Variants in GRID1 observed in about 807,000 individuals in gnomAD.
The protein encoded by GRID1 is glutamate receptor ionotropic, delta-1.
A neutral mutation model predicts 98.0 loss-of-function variants in GRID1; 28 were observed. The ratio of observed to expected loss-of-function variants is 0.29; its 90% CI spans 0.21 to 0.39. The LOEUF (loss-of-function observed/expected upper bound fraction) is 0.39. GRID1 is among the 10% of genes least tolerant of loss of function. The pLI, the probability that GRID1 is intolerant of heterozygous loss-of-function variation, is 1.00. For synonymous variants in GRID1, 553 were observed against 538.5 expected (o/e 1.03, Z -0.37); for missense variants, 1,111 against 1,340.5 (o/e 0.83, Z 2.67).
At chr10:85,725,078 C>T (rs1251400324) in intron 10 of GRID1, among the ~76,000 whole-genome samples, 1 of 152,066 alleles carries the variant, frequency 6.6e-6, no homozygotes, top group Admixed American at 6.5e-5. Context: ...TGCATCCTCC[C>T]TACATGTTAA....
At chr10:85,928,238 C>T (rs1055274686) in intron 4 of GRID1, among the ~76,000 whole-genome samples, 18 of 152,100 alleles carry the variant, frequency 1.2e-4, no homozygotes, top group African/African-American at 4.1e-4. Flanking sequence ...GGCGGAGGAT[C>T]GTTTAGGGCT....
At chr10:86,003,557 G>A (rs1481667742) in intron 4 of GRID1, among the ~76,000 whole-genome samples, 1 of 152,228 alleles carries the variant, frequency 6.6e-6, no homozygotes, top group Non-Finnish European at 1.5e-5. Context: ...AGCAGGACAT[G>A]TGGCAGCCAC....
chr10:85,803,257 A>C (rs1842593735), intron 8 of GRID1, among the ~76,000 whole-genome samples: 2 of 152,174 alleles, frequency 1.3e-5, no homozygotes, highest in Non-Finnish European at 2.9e-5. Flanking sequence ...GTAACACAAA[A>C]GATAAATGTT....
chr10:86,234,357 T>C (rs776941600), intron 2 of GRID1, among the ~76,000 whole-genome samples: 24 of 152,132 alleles, frequency 1.6e-4, no homozygotes, highest in Non-Finnish European at 1.6e-4. Context: ...TGAGCCCTGC[T>C]CCCCAGTGGA....
At chr10:86,303,462 C>T (rs1243789049) in intron 2 of GRID1, among the ~76,000 whole-genome samples, 1 of 151,954 alleles carries the variant, frequency 6.6e-6, no homozygotes, top group African/African-American at 2.4e-5. Context: ...AGACTGTGCT[C>T]AGCAGGAAGG....
intron 8 of GRID1, among the ~76,000 whole-genome samples, chr10:85,784,430 G>A (rs1435694519): frequency 6.6e-6 from 1 of 152,174 alleles, no homozygotes; most frequent in African/African-American, 2.4e-5. Flanking sequence ...CTTCCTAGGG[G>A]ACAGAACTAG....
chr10:86,342,914 C>A (rs950349661), intron 2 of GRID1, among the ~76,000 whole-genome samples: 2 of 152,238 alleles, frequency 1.3e-5, no homozygotes, highest in Non-Finnish European at 2.9e-5. Flanking sequence ...AAGATCCTGG[C>A]GTTCCTTGGT....
chr10:85,685,544 A>G (rs1841258993), intron 12 of GRID1, among the ~76,000 whole-genome samples: 1 of 152,188 alleles, frequency 6.6e-6, no homozygotes, highest in African/African-American at 2.4e-5. Flanking sequence ...TAAAACTTAA[A>G]ACACTGATCC....
At chr10:86,006,140 C>T (rs1427294442) in intron 4 of GRID1, among the ~76,000 whole-genome samples, 1 of 152,086 alleles carries the variant, frequency 6.6e-6, no homozygotes, top group Non-Finnish European at 1.5e-5. Flanking sequence ...AATACAAAGT[C>T]CTAAAACAGA....
At chr10:85,661,365 CT>C (rs969998521) in intron 12 of GRID1, among the ~76,000 whole-genome samples, 1 of 152,144 alleles carries the variant, frequency 6.6e-6, no homozygotes, top group African/African-American at 2.4e-5. Flanking sequence ...AACTATAAGA[CT>C]TACTTTGTTT....
intron 8 of GRID1, among the ~76,000 whole-genome samples, chr10:85,834,859 C>T (rs1478995813): frequency 1.3e-5 from 2 of 152,070 alleles, no homozygotes; most frequent in African/African-American, 2.4e-5. Context: ...AACAACAATA[C>T]TTATCTTAAG....
At chr10:85,796,700 CAA>C (rs61100651) in intron 8 of GRID1, among the ~76,000 whole-genome samples, 2 of 141,954 alleles carry the variant, frequency 1.4e-5, no homozygotes, top group African/African-American at 2.5e-5. Flanking sequence ...TGATCTAACT[CAA>C]AAAAAAAAAA....
intron 12 of GRID1, among the ~76,000 whole-genome samples, chr10:85,694,436 C>G (rs904073446): frequency 2.0e-5 from 3 of 151,036 alleles, no homozygotes; most frequent in Non-Finnish European, 3.0e-5. Flanking sequence ...CAACGGAAAA[C>G]AAATCACTAT....
At position 85,854,595 on chromosome 10, in the gene GRID1, A is replaced by C. The variant is rs1843090575; in HGVS notation, c.1134T>G (p.Thr378=). 1 of 1,613,906 alleles carries C rather than the reference A, an allele frequency of 6.2e-7. No individual in the cohort carries two copies. Among genetic ancestry groups the C allele is most frequent in the Admixed American group, 1.7e-5 (1 of 59,998 alleles). The change falls in exon 8 of 16, where the codon ACT becomes ACG. Residue 378 remains threonine (T), a synonymous_variant. Coordinates refer to ENST00000327946, the MANE Select transcript of GRID1 (RefSeq NM_017551.3). ...TIKKGHITGL[T]GVMEFREDSS... ...TGTCCTCCCGAAACTCCATCACCCCAGTGAGGCCAGTGATGTGGCCCTGCA... is the reference window on the plus strand; with the variant it reads ...TGTCCTCCCGAAACTCCATCACCCCCGTGAGGCCAGTGATGTGGCCCTGCA...
intron 4 of GRID1, among the ~76,000 whole-genome samples, chr10:85,996,566 T>A (rs1336046992): frequency 6.6e-6 from 1 of 152,018 alleles, no homozygotes; most frequent in Non-Finnish European, 1.5e-5. Flanking sequence ...TTTTTAAAAA[T>A]GAACAGAGCA....
intron 4 of GRID1, among the ~76,000 whole-genome samples, chr10:85,988,589 G>A (rs962155661): frequency 6.6e-6 from 1 of 152,192 alleles, no homozygotes; most frequent in Non-Finnish European, 1.5e-5. Context: ...ATCCTCTCAA[G>A]GTCACCGTTG....
At chr10:85,878,586 C>G (rs1840943790) in intron 5 of GRID1, among the ~76,000 whole-genome samples, 1 of 152,062 alleles carries the variant, frequency 6.6e-6, no homozygotes, top group Admixed American at 6.5e-5. Context: ...ATTTTGTCAC[C>G]ACCAGGCCTG....
chr10:85,982,855 G>A (rs1374902793), intron 4 of GRID1, among the ~76,000 whole-genome samples: 1 of 152,174 alleles, frequency 6.6e-6, no homozygotes, highest in Non-Finnish European at 1.5e-5. Flanking sequence ...CTCAGCCCAA[G>A]TTTCTCAGCA....
intron 12 of GRID1, among the ~76,000 whole-genome samples, chr10:85,683,908 G>T (rs1335466897): frequency 6.6e-6 from 1 of 151,980 alleles, no homozygotes; most frequent in Non-Finnish European, 1.5e-5. Flanking sequence ...CTCTCGCTGG[G>T]CACAAAGGAA....
Sources: gnomAD v4.1 joint callset for allele counts (sites outside exome capture counted in the v4.1 genomes callset) on GRCh38, gnomAD v4.1.1 for gene constraint, MANE v1.5 for transcripts, NCBI Gene and HGNC (gene_info 2026-07-23, HGNC 2026-07-21) for gene names.